The following FANK1 variants were observed in gnomAD, a reference collection of about 807,000 sequenced individuals.
FANK1 encodes the protein fibronectin type 3 and ankyrin repeat domains protein 1.
Under a neutral mutation model 45.3 loss-of-function variants are expected in FANK1, and 44 were observed. That is an observed-to-expected ratio of 0.97 (90% CI 0.76 to 1.25). The LOEUF (loss-of-function observed/expected upper bound fraction) is 1.25, where lower values mean the gene tolerates loss of function less well. FANK1 is among the 50% of genes most tolerant of loss of function. FANK1 has a pLI of 0.00. For missense variants in FANK1, 391 were observed against 424.4 expected, an observed-to-expected ratio of 0.92 and a Z score of 0.69; for synonymous variants, 149 against 152.5, an observed-to-expected ratio of 0.98 and a Z score of 0.17.
chr10:125,976,217 A>G (rs1321693133), intron 1 of FANK1, among the ~76,000 whole-genome samples: 1 of 151,676 alleles, frequency 6.6e-6, no homozygotes, highest in African/African-American at 2.4e-5. Context: ...TTTGTAAGTG[A>G]CCTGCCCTTT....
intron 1 of FANK1, among the ~76,000 whole-genome samples, chr10:125,934,724 GTT>G (rs145182884): frequency 3.0e-4 from 8 of 26,456 alleles, no homozygotes; most frequent in South Asian, 1.9e-3. Context: ...TACCCCTACC[GTT>G]TTTTTTTTTT....
intron 1 of FANK1, among the ~76,000 whole-genome samples, chr10:125,953,406 C>T (rs1489546903): frequency 1.3e-5 from 2 of 152,144 alleles, no homozygotes; most frequent in Non-Finnish European, 2.9e-5. Flanking sequence ...ATGGAGTCAC[C>T]TCAGGGTGAC....
intron 1 of FANK1, among the ~76,000 whole-genome samples, chr10:125,918,297 C>A (rs138077693): frequency 1.3e-5 from 2 of 151,794 alleles, no homozygotes; most frequent in Admixed American, 6.6e-5. Context: ...GTGGCTCACG[C>A]CTGTAATCCT....
chr10:125,962,720 G>T (rs1441302597), intron 1 of FANK1, among the ~76,000 whole-genome samples: 2 of 151,756 alleles, frequency 1.3e-5, no homozygotes, highest in African/African-American at 4.8e-5. Flanking sequence ...TAATGTATTT[G>T]TTTACTAATT....
intron 3 of FANK1, among the ~76,000 whole-genome samples, chr10:125,992,390 G>A (rs1323235585): frequency 1.3e-5 from 2 of 152,130 alleles, no homozygotes; most frequent in Admixed American, 6.5e-5. Context: ...TGGTAGTAGC[G>A]TGAGGACGAT....
intron 6 of FANK1, among the ~76,000 whole-genome samples, chr10:126,002,491 G>T (rs1023841862): frequency 2.0e-5 from 3 of 152,156 alleles, no homozygotes; most frequent in Admixed American, 1.3e-4. Context: ...TCTTCTGGGG[G>T]TCTCCAAGAA....
chr10:125,986,041 G>A (rs1415161803), intron 2 of FANK1, among the ~76,000 whole-genome samples: 1 of 152,206 alleles, frequency 6.6e-6, no homozygotes, highest in African/African-American at 2.4e-5. Context: ...TTCCCATCCT[G>A]TTCAAGGGGA....
rs138383984 is a variant in FANK1 at position 125,981,278 on chromosome 10, T to C, written c.191+940T>C. 3.4e-3 allele frequency among the ~76,000 whole-genome samples: 513 copies of C among 152,170 alleles called. 1 individual carries two copies. The highest frequency in any genetic ancestry group is 0.012 in the African/African-American group (487 of 41,526). On this transcript the variant is annotated intron_variant, in intron 2 of 10. Coordinates refer to ENST00000368693, the MANE Select transcript of FANK1 (RefSeq NM_145235.5). ...ATCTCAGCACTGTGGGAGGCTGAAG[T>C]GGGCAGATCCCTTGAACCTGGATGT...
At chr10:125,962,169 C>T (rs1009326575) in intron 1 of FANK1, among the ~76,000 whole-genome samples, 1 of 152,164 alleles carries the variant, frequency 6.6e-6, no homozygotes, top group Admixed American at 6.5e-5. Context: ...TTAAAGGCAT[C>T]TCTACTCTGC....
At chr10:125,977,773 G>A (rs1950944977) in intron 1 of FANK1, among the ~76,000 whole-genome samples, 1 of 152,152 alleles carries the variant, frequency 6.6e-6, no homozygotes, top group South Asian at 2.1e-4. Context: ...GAGCCATGCT[G>A]GGGAGAGTGG....
intron 1 of FANK1, among the ~76,000 whole-genome samples, chr10:125,951,288 C>A (rs1949209895): frequency 6.6e-6 from 1 of 151,312 alleles, no homozygotes. Context: ...TTGGAATAGA[C>A]TGGCCAAGAT....
At chr10:126,001,938 G>T (rs1477248234) in intron 6 of FANK1, among the ~76,000 whole-genome samples, 1 of 151,998 alleles carries the variant, frequency 6.6e-6, no homozygotes, top group Non-Finnish European at 1.5e-5. Flanking sequence ...GTGAGGTGAG[G>T]CTATGGGTGA....
At chr10:125,927,546 A>G (rs1182335079) in intron 1 of FANK1, among the ~76,000 whole-genome samples, 6 of 151,458 alleles carry the variant, frequency 4.0e-5, no homozygotes, top group African/African-American at 1.2e-4. Flanking sequence ...GAGTAATGCC[A>G]TTATAAACTT....
chr10:125,935,790 C>T (rs80186134), intron 1 of FANK1, among the ~76,000 whole-genome samples: 3,397 of 152,164 alleles, frequency 0.022, 56 homozygotes, highest in Non-Finnish European at 0.035. Context: ...ACAATTCTGT[C>T]ATAATAACTT....
At chr10:125,969,832 A>G (rs1041681812) in intron 1 of FANK1, among the ~76,000 whole-genome samples, 16 of 152,124 alleles carry the variant, frequency 1.1e-4, no homozygotes, top group African/African-American at 3.9e-4. Context: ...ATGACTCTTA[A>G]CGAGCATGCT....
chr10:125,914,932 T>C (rs1946328313), intron 1 of FANK1, among the ~76,000 whole-genome samples: 2 of 152,108 alleles, frequency 1.3e-5, no homozygotes, highest in African/African-American at 2.4e-5. Context: ...CCCCATCTGA[T>C]CTGAGAGTGA....
chr10:125,922,147 A>G (rs1393077108), intron 1 of FANK1, among the ~76,000 whole-genome samples: 1 of 152,054 alleles, frequency 6.6e-6, no homozygotes, highest in Non-Finnish European at 1.5e-5. Flanking sequence ...CTGTTTTCCA[A>G]TTTTTCTTAA....
chr10:125,913,546 C>G (rs11244696), intron 1 of FANK1, among the ~76,000 whole-genome samples: 2 of 152,206 alleles, frequency 1.3e-5, no homozygotes, highest in African/African-American at 4.8e-5. Context: ...TAAAAGTTCT[C>G]TGATAAGTCA....
intron 4 of FANK1, among the ~76,000 whole-genome samples, chr10:125,996,216 TGA>T (rs1244392590): frequency 3.3e-5 from 5 of 152,294 alleles, no homozygotes; most frequent in African/African-American, 1.2e-4. Flanking sequence ...GAGTCAGCAG[TGA>T]AGACACTGTC....
Sources: gnomAD v4.1 joint callset for allele counts (sites outside exome capture counted in the v4.1 genomes callset) on GRCh38, gnomAD v4.1.1 for gene constraint, MANE v1.5 for transcripts, NCBI Gene and HGNC (gene_info 2026-07-23, HGNC 2026-07-21) for gene names.